The following DAB1 variants were observed in gnomAD, a reference collection of about 807,000 sequenced individuals.
DAB1 encodes the protein disabled homolog 1.
A neutral mutation model predicts 64.6 loss-of-function variants in DAB1; 15 were observed. The ratio of observed to expected loss-of-function variants is 0.23; its 90% CI spans 0.16 to 0.36. The LOEUF is 0.36. Among genes scored for constraint, DAB1 ranks in the 10% least tolerant of loss-of-function variants. DAB1 has a pLI of 1.00. For synonymous variants in DAB1, 235 were observed against 251.9 expected (o/e 0.93, Z 0.64); for missense variants, 596 against 706.7 (o/e 0.84, Z 1.78).
At chr1:58,365,543 C>T (rs1644208945) in intron 3 of DAB1, among the ~76,000 whole-genome samples, 1 of 152,206 alleles carries the variant, frequency 6.6e-6, no homozygotes, top group East Asian at 1.9e-4. Context: ...TGATGGGTAA[C>T]ACTTGTTTCA....
chr1:57,535,285 T>G (rs548201030), intron 7 of DAB1, among the ~76,000 whole-genome samples: 2 of 152,264 alleles, frequency 1.3e-5, no homozygotes, highest in South Asian at 4.2e-4. Flanking sequence ...ACAGCTGTAT[T>G]CCCAGTGCCT....
At chr1:57,335,295 A>G (rs769504001) in intron 1 of DAB1, among the ~76,000 whole-genome samples, 5 of 152,314 alleles carry the variant, frequency 3.3e-5, no homozygotes, top group Admixed American at 2.0e-4. Flanking sequence ...ACATAGTTGA[A>G]CAAAAATGGG....
rs376570925 is a variant in DAB1, at chr1:57,763,757, T to C, written n.552-114092A>G. Among the ~76,000 whole-genome samples, 15 of 152,284 alleles carry C rather than the reference T, an allele frequency of 9.9e-5. No homozygotes were observed. In the East Asian group the frequency reaches 1.2e-3, roughly 12 times the overall value. On this transcript the variant is annotated intron_variant and non_coding_transcript_variant, in intron 6 of 20. Coordinates refer to the DAB1 transcript ENST00000485760. ...TCACAGGGTTAAAGTGCGAGGAAAC[T>C]AGGAGTTGATTTCTGAATCCCCTGT...
intron 3 of DAB1, among the ~76,000 whole-genome samples, chr1:58,390,106 G>T (rs538296568): frequency 6.6e-6 from 1 of 152,214 alleles, no homozygotes; most frequent in South Asian, 2.1e-4. Context: ...GGGGAGGCTG[G>T]GGGAAGGGAG....
At chr1:57,046,036 C>T (rs1648443921) in intron 9 of DAB1, among the ~76,000 whole-genome samples, 1 of 152,126 alleles carries the variant, frequency 6.6e-6, no homozygotes, top group Non-Finnish European at 1.5e-5. Flanking sequence ...CTTATCCATA[C>T]AATGGAGAAA....
chr1:57,561,743 A>G (rs1244428394), intron 7 of DAB1, among the ~76,000 whole-genome samples: 1 of 152,142 alleles, frequency 6.6e-6, no homozygotes, highest in Non-Finnish European at 1.5e-5. Context: ...AGCAACATGG[A>G]CTTCCACTCA....
intron 9 of DAB1, among the ~76,000 whole-genome samples, chr1:57,040,123 T>C (rs1317738738): frequency 1.3e-5 from 2 of 152,090 alleles, no homozygotes; most frequent in Non-Finnish European, 2.9e-5. Flanking sequence ...AATGACAAGA[T>C]TCATGCTGGT....
Position 58,475,131 on chromosome 1 carries a change from A to G in DAB1, n.257+30929T>C, listed in dbSNP as rs997472082. ...GAGCACTCTCCAGACAAGAGCCGTA[A>G]TGGATTAATAGAATTAGATTAATTA... On this transcript the variant is annotated intron_variant and non_coding_transcript_variant, in intron 3 of 20. Transcript: ENST00000485760. Among the ~76,000 whole-genome samples the G allele has an allele frequency of 1.3e-5, 2 of 152,180 alleles. 1 individual carries two copies. The highest frequency in any genetic ancestry group is 2.9e-5 in the Non-Finnish European group (2 of 68,032).
At chr1:57,887,496 A>G (rs1420448333), upstream of DAB1, among the ~76,000 whole-genome samples, 1 of 152,236 alleles carries the variant, frequency 6.6e-6, no homozygotes, top group Non-Finnish European at 1.5e-5. Context: ...TAGAAGAGAC[A>G]CTGTGCTAAA....
At chr1:57,555,037 T>C (rs1283326590) in intron 7 of DAB1, among the ~76,000 whole-genome samples, 1 of 137,424 alleles carries the variant, frequency 7.3e-6, no homozygotes, top group East Asian at 2.1e-4. Flanking sequence ...TTTTTTTTTT[T>C]TTTTTTTTTT....
chr1:58,446,811 A>C (rs1645072701), intron 3 of DAB1, among the ~76,000 whole-genome samples: 1 of 152,170 alleles, frequency 6.6e-6, no homozygotes. Context: ...TCTCCCTGTA[A>C]ACTCTAACTC....
intron 5 of DAB1, among the ~76,000 whole-genome samples, chr1:58,085,168 T>A (rs57172597): frequency 0.011 from 1,660 of 152,272 alleles, 67 homozygotes; most frequent in South Asian, 0.1. Flanking sequence ...TGGGACCTAG[T>A]GCAGACAAGA....
intron 4 of DAB1, among the ~76,000 whole-genome samples, chr1:58,207,275 G>C (rs1167578043): frequency 6.6e-6 from 1 of 152,186 alleles, no homozygotes; most frequent in Non-Finnish European, 1.5e-5. Flanking sequence ...TAGCTAACTG[G>C]TACAGCGGTT....
chr1:58,395,443 GT>G (rs1451229886), intron 3 of DAB1, among the ~76,000 whole-genome samples: 1 of 152,172 alleles, frequency 6.6e-6, no homozygotes, highest in Non-Finnish European at 1.5e-5. Flanking sequence ...TGATCTCTAA[GT>G]TTTCTTCCTT....
chr1:57,231,149 T>TA (rs1259526045), intron 2 of DAB1, among the ~76,000 whole-genome samples: 2 of 152,116 alleles, frequency 1.3e-5, no homozygotes, highest in Non-Finnish European at 2.9e-5. Flanking sequence ...AATGTAAAAT[T>TA]AAAAAATTAT....
chr1:58,439,597 T>A (rs1644985121), intron 3 of DAB1, among the ~76,000 whole-genome samples: 1 of 152,156 alleles, frequency 6.6e-6, no homozygotes, highest in African/African-American at 2.4e-5. Context: ...GCCCCAGCAT[T>A]TTACATGCTA....
At chr1:57,192,785 T>G (rs968836970) in intron 2 of DAB1, among the ~76,000 whole-genome samples, 2 of 152,222 alleles carry the variant, frequency 1.3e-5, no homozygotes, top group African/African-American at 4.8e-5. Context: ...TATGTGTATT[T>G]TTTTAATTGA....
At chr1:57,461,893 G>C (rs765726333) in intron 7 of DAB1, among the ~76,000 whole-genome samples, 3 of 151,088 alleles carry the variant, frequency 2.0e-5, no homozygotes, top group Non-Finnish European at 4.4e-5. Flanking sequence ...TCTTTGCTAA[G>C]GGGAGGTGGG....
At chr1:57,372,128 T>C (rs983145994) in intron 1 of DAB1, among the ~76,000 whole-genome samples, 2 of 152,224 alleles carry the variant, frequency 1.3e-5, no homozygotes, top group African/African-American at 4.8e-5. Flanking sequence ...TTCAATTGGA[T>C]TTGCACGGAA....
Sources: allele counts gnomAD v4.1 joint callset (sites outside exome capture counted in the v4.1 genomes callset), GRCh38; gene constraint gnomAD v4.1.1; transcripts MANE v1.5; gene names NCBI Gene and HGNC (gene_info 2026-07-23, HGNC 2026-07-21).